The following RPS6KA2 variants were observed in gnomAD, a reference collection of about 807,000 sequenced individuals.
The protein encoded by RPS6KA2 is ribosomal protein S6 kinase alpha-2.
A neutral mutation model predicts 91.8 loss-of-function variants in RPS6KA2; 42 were observed. The observed-to-expected ratio is 0.46, with a 90% CI of 0.36 to 0.59. The LOEUF (loss-of-function observed/expected upper bound fraction) is 0.59. Among genes scored for constraint, RPS6KA2 ranks in the 20% least tolerant of loss-of-function variants. The pLI is 0.00. For missense variants in RPS6KA2, 798 were observed against 978.5 expected, an observed-to-expected ratio of 0.82 and a Z score of 2.46; for synonymous variants, 414 against 393.6, an observed-to-expected ratio of 1.05 and a Z score of -0.61.
At chr6:166,724,754 T>C (rs1238014854) in intron 2 of RPS6KA2, among the ~76,000 whole-genome samples, 2 of 152,242 alleles carry the variant, frequency 1.3e-5, no homozygotes, top group African/African-American at 4.8e-5. Context: ...CATCTGCAAC[T>C]GGTTTTAATT....
intron 2 of RPS6KA2, among the ~76,000 whole-genome samples, chr6:166,829,275 G>A (rs1780118879): frequency 6.6e-6 from 1 of 152,108 alleles, no homozygotes. Flanking sequence ...AAAACAGGAC[G>A]GTGGTTCCTC....
chr6:166,732,077 C>T lies in RPS6KA2; in HGVS notation c.123+126123G>A, dbSNP rs1417530966. On this transcript the variant is annotated intron_variant, in intron 2 of 21. Transcript: ENST00000503859. The surrounding 1 kb of genome is among the most constrained non-coding windows in gnomAD (Gnocchi z 4.0). The stretch of plus-strand genomic sequence containing the variant: ...ATGGGATTGGGGAGAAATAACAAAA[C>T]TGGAATACCTTTTCCAGAGACCTTA... Among the ~76,000 whole-genome samples, 1 of 152,080 alleles carries T rather than the reference C, an allele frequency of 6.6e-6. No individual in the cohort carries two copies. Among genetic ancestry groups the T allele is most frequent in the Non-Finnish European group, 1.5e-5 (1 of 68,006 alleles).
chr6:166,756,524 A>G (rs1778014516), intron 2 of RPS6KA2, among the ~76,000 whole-genome samples: 1 of 152,212 alleles, frequency 6.6e-6, no homozygotes, highest in African/African-American at 2.4e-5. Flanking sequence ...ACATATGATT[A>G]TAAACACGTT....
intron 2 of RPS6KA2, among the ~76,000 whole-genome samples, chr6:166,775,578 A>ACT (rs1435651451): frequency 6.6e-6 from 1 of 151,728 alleles, no homozygotes; most frequent in Non-Finnish European, 1.5e-5. Context: ...ATGACCCCCG[A>ACT]CTCTCCCTCC....
At chr6:166,548,210 T>C (rs1783889038) in intron 1 of RPS6KA2, among the ~76,000 whole-genome samples, 1 of 152,116 alleles carries the variant, frequency 6.6e-6, no homozygotes, top group South Asian at 2.1e-4. Context: ...AAATCAAAGA[T>C]CTAAATAAAT....
At chr6:166,860,847 C>T (rs923355945) in intron 1 of RPS6KA2, among the ~76,000 whole-genome samples, 16 of 152,200 alleles carry the variant, frequency 1.1e-4, no homozygotes, top group Admixed American at 7.2e-4. Flanking sequence ...AAATGGCAAC[C>T]GCAGTAAGGG....
chr6:166,549,674 A>T (rs550274655), intron 1 of RPS6KA2, among the ~76,000 whole-genome samples: 4 of 152,218 alleles, frequency 2.6e-5, no homozygotes, highest in African/African-American at 9.6e-5. Context: ...GTGTGTCCAT[A>T]AAAGGGTACC....
chr6:166,706,101 G>GA (rs1420570319), intron 2 of RPS6KA2, among the ~76,000 whole-genome samples: 2 of 152,208 alleles, frequency 1.3e-5, no homozygotes, highest in African/African-American at 4.8e-5. Flanking sequence ...AGAACTGTGA[G>GA]AAACGAATTT....
chr6:166,817,473 T>C (rs1216153665), intron 2 of RPS6KA2, among the ~76,000 whole-genome samples: 1 of 152,096 alleles, frequency 6.6e-6, no homozygotes. Context: ...TCCATGTAAA[T>C]TTTAAAACCT....
rs937593865 is a variant in RPS6KA2 at position 166,437,870 on chromosome 6, C to G, written c.1333-5380G>C. Among the ~76,000 whole-genome samples, 29 of 152,236 alleles carry G rather than the reference C, an allele frequency of 1.9e-4. No individual in the cohort carries two copies. The highest frequency in any genetic ancestry group is 7.0e-4 in the African/African-American group (29 of 41,462). ...GGAGACTTCACCGCTCTCGATACACCTTTCTGGTCTTTGCGTTTCTCTACC... is the reference window on the plus strand; with the variant it reads ...GGAGACTTCACCGCTCTCGATACACGTTTCTGGTCTTTGCGTTTCTCTACC... On this transcript the variant is annotated intron_variant, in intron 14 of 20. Coordinates refer to ENST00000265678, the MANE Select transcript of RPS6KA2 (RefSeq NM_021135.6). This position sits in a 1 kb window ranked among gnomAD's most constrained non-coding sequence, Gnocchi z 4.3.
At chr6:166,571,556 T>C (rs1178762068) in intron 1 of RPS6KA2, among the ~76,000 whole-genome samples, 1 of 152,104 alleles carries the variant, frequency 6.6e-6, no homozygotes, top group Admixed American at 6.5e-5. Flanking sequence ...CACTCCAAAA[T>C]AAACAGTGGT....
At chr6:166,705,133 T>C (rs1789642487) in intron 2 of RPS6KA2, among the ~76,000 whole-genome samples, 1 of 152,208 alleles carries the variant, frequency 6.6e-6, no homozygotes, top group Non-Finnish European at 1.5e-5. Context: ...GATGTTCACC[T>C]CAAACATGTG....
chr6:166,578,083 C>G (rs1405449353), intron 1 of RPS6KA2, among the ~76,000 whole-genome samples: 1 of 152,162 alleles, frequency 6.6e-6, no homozygotes, highest in African/African-American at 2.4e-5. Context: ...TGAGGCCTCC[C>G]CAGCCATGAG....
chr6:166,599,863 G>A (rs986731227), intron 1 of RPS6KA2, among the ~76,000 whole-genome samples: 3 of 151,938 alleles, frequency 2.0e-5, no homozygotes, highest in Admixed American at 6.6e-5. Context: ...TCCTCCATGC[G>A]TCACTCTCAA....
chr6:166,523,703 A>G (rs1416330092), intron 3 of RPS6KA2, among the ~76,000 whole-genome samples: 1 of 152,244 alleles, frequency 6.6e-6, no homozygotes, highest in Non-Finnish European at 1.5e-5. Context: ...TAAATGAATT[A>G]GCATATTATG....
intron 2 of RPS6KA2, among the ~76,000 whole-genome samples, chr6:166,759,510 G>C (rs772154367): frequency 1.3e-5 from 2 of 152,126 alleles, no homozygotes; most frequent in African/African-American, 4.8e-5. Flanking sequence ...AGAAAATAAG[G>C]CTCTTTCTAG....
chr6:166,672,831 T>G (rs1788508782), intron 2 of RPS6KA2, among the ~76,000 whole-genome samples: 1 of 152,126 alleles, frequency 6.6e-6, no homozygotes, highest in African/African-American at 2.4e-5. Flanking sequence ...ATATTGCCTC[T>G]CCAAAGGGAA....
chr6:166,526,739 A>T (rs1347497651), intron 3 of RPS6KA2, among the ~76,000 whole-genome samples: 1 of 152,244 alleles, frequency 6.6e-6, no homozygotes, highest in African/African-American at 2.4e-5. Flanking sequence ...ATTACAAAAA[A>T]ATTAGAGATA....
intron 2 of RPS6KA2, among the ~76,000 whole-genome samples, chr6:166,693,147 G>C (rs1789257367): frequency 6.6e-6 from 1 of 152,174 alleles, no homozygotes; most frequent in Non-Finnish European, 1.5e-5. Context: ...TTGACCACCT[G>C]TTCCCTTGCA....
Sources: allele counts gnomAD v4.1 joint callset (sites outside exome capture counted in the v4.1 genomes callset), GRCh38; gene constraint gnomAD v4.1.1; non-coding constraint Gnocchi (gnomAD v3.1); transcripts MANE v1.5; gene names NCBI Gene and HGNC (gene_info 2026-07-23, HGNC 2026-07-21).